Variants in PLD1 observed in about 807,000 individuals in gnomAD.
PLD1 encodes the protein choline phosphatase 1.
Under a neutral mutation model 137.1 loss-of-function variants are expected in PLD1, and 112 were observed. The observed-to-expected ratio is 0.82, with a 90% confidence interval of 0.70 to 0.96. The LOEUF is 0.96. PLD1 is among the 40% of genes least tolerant of loss of function. The pLI, the probability that PLD1 is intolerant of heterozygous loss-of-function variation, is 0.00. For missense variants in PLD1, 1,321 were observed against 1,342.0 expected, an observed-to-expected ratio of 0.98 and a Z score of 0.24; for synonymous variants, 431 against 454.7, an observed-to-expected ratio of 0.95 and a Z score of 0.66.
At chr3:171,784,207 C>A (rs1164630626) in intron 1 of PLD1, among the ~76,000 whole-genome samples, 1 of 152,212 alleles carries the variant, frequency 6.6e-6, no homozygotes, top group Non-Finnish European at 1.5e-5. Context: ...CTCAGCTCAA[C>A]TCTTTGTGTC....
chr3:171,687,635 T>C (rs576688678), intron 14 of PLD1, 51 bp from the exon 15 acceptor site: 1 of 1,130,062 alleles, frequency 8.8e-7, no homozygotes, highest in African/African-American at 1.6e-5. Context: ...CATGCTGCAG[T>C]GTGGTTCTTT....
intron 21 of PLD1, among the ~76,000 whole-genome samples, chr3:171,645,602 C>T (rs935977173): frequency 1.3e-5 from 2 of 151,906 alleles, no homozygotes; most frequent in South Asian, 2.1e-4. Flanking sequence ...TCTGAGTGGC[C>T]GGCCGGGCGT....
At chr3:171,715,605 T>G (rs1443501963) in intron 8 of PLD1, among the ~76,000 whole-genome samples, 1 of 152,032 alleles carries the variant, frequency 6.6e-6, no homozygotes, top group Non-Finnish European at 1.5e-5. Context: ...CCTCTTCAGT[T>G]TTTTTTTCAT....
At chr3:171,730,603 A>G (rs77844823) in intron 6 of PLD1, among the ~76,000 whole-genome samples, 1,637 of 151,774 alleles carry the variant, frequency 0.011, 37 homozygotes, top group African/African-American at 0.038. Flanking sequence ...TCCTTTGGGG[A>G]AAATCCTATT....
chr3:171,764,996 AAGAAAGAAAG>A (rs1721872687), intron 1 of PLD1: 5 of 140,234 alleles, frequency 3.6e-5, no homozygotes, highest in South Asian at 2.4e-4. Flanking sequence ...GAAAGAAAGA[AAGAAAGAAAG>A]AGAAAAAGAA....
intron 1 of PLD1, among the ~76,000 whole-genome samples, chr3:171,781,242 G>GT (rs1233893340): frequency 2.4e-5 from 1 of 42,272 alleles, no homozygotes; most frequent in Non-Finnish European, 5.6e-5. Context: ...ACAAATGATG[G>GT]TAAAAAAAAA....
chr3:171,666,606 T>C (rs1212063341), intron 19 of PLD1, among the ~76,000 whole-genome samples: 1 of 152,250 alleles, frequency 6.6e-6, no homozygotes, highest in Non-Finnish European at 1.5e-5. Context: ...TTTCCTTTTG[T>C]TTTAATATTT....
chr3:171,808,953 T>A (rs955521403), intron 1 of PLD1, among the ~76,000 whole-genome samples: 12 of 150,094 alleles, frequency 8.0e-5, no homozygotes, highest in Non-Finnish European at 1.5e-4. Context: ...GCCTCCCGAG[T>A]GGCTGGGATT....
intron 23 of PLD1, among the ~76,000 whole-genome samples, chr3:171,638,195 A>G (rs980106947): frequency 7.2e-5 from 11 of 151,726 alleles, no homozygotes; most frequent in Admixed American, 6.6e-5. Context: ...AAAAAAAAAA[A>G]AAAAAAAAAA....
At chr3:171,715,244 C>A (rs1457398432) in intron 8 of PLD1, among the ~76,000 whole-genome samples, 2 of 152,070 alleles carry the variant, frequency 1.3e-5, no homozygotes, top group Non-Finnish European at 1.5e-5. Context: ...TCTTGATGCC[C>A]TCGGAAAAAT....
chr3:171,706,122 C>CTATCTATCTATCT (rs757204117), intron 11 of PLD1, among the ~76,000 whole-genome samples: 2 of 144,068 alleles, frequency 1.4e-5, no homozygotes, highest in Non-Finnish European at 3.0e-5. Flanking sequence ...CCGGGTCAGT[C>CTATCTATCTATCT]AGTCTATCTA....
chr3:171,704,556 T>C (rs916210974), intron 11 of PLD1, among the ~76,000 whole-genome samples: 1 of 150,970 alleles, frequency 6.6e-6, no homozygotes, highest in Non-Finnish European at 1.5e-5. Flanking sequence ...TACTTAAGGC[T>C]ATGTCAGATA....
intron 25 of PLD1, chr3:171,611,498 A>G: frequency 2.1e-6 from 1 of 472,524 alleles, no homozygotes; most frequent in Non-Finnish European, 4.2e-6. Flanking sequence ...TATTGAATGG[A>G]CTTATTTAGG....
intron 12 of PLD1, among the ~76,000 whole-genome samples, chr3:171,693,055 T>A (rs1420722568): frequency 1.3e-5 from 2 of 152,258 alleles, no homozygotes; most frequent in Non-Finnish European, 2.9e-5. Context: ...AATTGATTCA[T>A]CCTTCCTTAG....
chr3:171,673,281 A>T (rs1434385213), intron 19 of PLD1, among the ~76,000 whole-genome samples: 1 of 149,968 alleles, frequency 6.7e-6, no homozygotes, highest in African/African-American at 2.5e-5. Context: ...TCTCTCAAGC[A>T]GCTTATCTTT....
At chr3:171,638,291 T>C (rs1365610510) in intron 23 of PLD1, among the ~76,000 whole-genome samples, 1 of 152,158 alleles carries the variant, frequency 6.6e-6, no homozygotes, top group Non-Finnish European at 1.5e-5. Flanking sequence ...AAACTATTAC[T>C]GTACACTACT....
chr3:171,727,532 A>G (rs1023253866), intron 6 of PLD1, among the ~76,000 whole-genome samples: 3 of 152,244 alleles, frequency 2.0e-5, no homozygotes, highest in Non-Finnish European at 2.9e-5. Flanking sequence ...GGCCATGTCA[A>G]TAGCAGCCTT....
At position 171,686,779 on chromosome 3, in the gene PLD1, TC is replaced by T. The variant is rs764949796; in HGVS notation, c.1772del (p.Arg591LysfsTer6). 1 of 1,543,560 alleles carries T rather than the reference TC, an allele frequency of 6.5e-7. No individual in the cohort carries two copies. The highest frequency in any genetic ancestry group is 8.9e-7 in the Non-Finnish European group (1 of 1,124,620). ...DSTSSYFNHY[R>X]SHHNLIHGLK... ...AACCATGGATTAAATTGTGATGACT[TC>T]TATAGTGATTAAAATAACCTAGAGA... On this transcript the variant is annotated frameshift_variant, in exon 16 of 27. Coordinates refer to ENST00000351298, the MANE Select transcript of PLD1 (RefSeq NM_002662.5). LOFTEE classifies it high-confidence loss of function.
intron 1 of PLD1, among the ~76,000 whole-genome samples, chr3:171,761,244 G>C (rs918558338): frequency 1.3e-5 from 2 of 152,068 alleles, no homozygotes; most frequent in Admixed American, 1.3e-4. Flanking sequence ...AGAAGGGTCT[G>C]GATATCCCCT....
Sources: allele counts gnomAD v4.1 joint callset (sites outside exome capture counted in the v4.1 genomes callset), GRCh38; gene constraint gnomAD v4.1.1; transcripts MANE v1.5; gene names NCBI Gene and HGNC (gene_info 2026-07-23, HGNC 2026-07-21).